LINGO2: variants seen among roughly 807,000 people sequenced by gnomAD.
LINGO2 encodes the protein leucine-rich repeat and immunoglobulin-like domain-containing nogo receptor-interacting protein 2.
Under a neutral mutation model 30.6 loss-of-function variants are expected in LINGO2, and 14 were observed. The ratio of observed to expected loss-of-function variants is 0.46; its 90% confidence interval spans 0.30 to 0.72. The LOEUF is 0.72. Among genes scored for constraint, LINGO2 ranks in the 30% least tolerant of loss-of-function variants. The pLI, the probability that LINGO2 is intolerant of heterozygous loss-of-function variation, is 0.07. For synonymous variants in LINGO2, 317 were observed against 288.5 expected, an observed-to-expected ratio of 1.10 and a Z score of -1.00; for missense variants, 729 against 751.7, an observed-to-expected ratio of 0.97 and a Z score of 0.35.
At chr9:28,714,458 G>A in the LINGO2 span, among the ~76,000 whole-genome samples, 8 of 151,892 alleles carry the variant, frequency 5.3e-5, no homozygotes, top group Admixed American at 3.9e-4. Context: ...ACAGTGTCTC[G>A]TAGATAGCCT....
At chr9:27,993,893 A>G (rs974686178) in intron 5 of LINGO2, among the ~76,000 whole-genome samples, 1 of 152,060 alleles carries the variant, frequency 6.6e-6, no homozygotes, top group African/African-American at 2.4e-5. Flanking sequence ...AATATAGACC[A>G]TATGTTAGGC....
intron 1 of LINGO2, among the ~76,000 whole-genome samples, chr9:28,517,279 AT>A (rs1820658457): frequency 6.6e-6 from 1 of 152,212 alleles, no homozygotes; most frequent in Non-Finnish European, 1.5e-5. Flanking sequence ...CAGATCTTTA[AT>A]ATCACACTAA....
At chr9:29,015,501 T>C in the LINGO2 span, among the ~76,000 whole-genome samples, 14 of 152,196 alleles carry the variant, frequency 9.2e-5, no homozygotes, top group African/African-American at 3.1e-4. Flanking sequence ...AAAGCAACTA[T>C]AGACAATATA....
intron 2 of LINGO2, among the ~76,000 whole-genome samples, chr9:28,403,617 T>C (rs1256805918): frequency 1.3e-5 from 2 of 151,128 alleles, no homozygotes; most frequent in Non-Finnish European, 2.9e-5. Flanking sequence ...ACTAAAATGC[T>C]ATTGTTTTAA....
At chr9:28,238,676 T>C (rs926124954) in intron 4 of LINGO2, among the ~76,000 whole-genome samples, 2 of 151,970 alleles carry the variant, frequency 1.3e-5, no homozygotes, top group African/African-American at 4.8e-5. Context: ...TAGCTATAAA[T>C]GCCTACATAA....
At chr9:28,540,783 G>C (rs1017344844) in intron 1 of LINGO2, among the ~76,000 whole-genome samples, 1 of 152,180 alleles carries the variant, frequency 6.6e-6, no homozygotes, top group African/African-American at 2.4e-5. Flanking sequence ...AAGATTAGAT[G>C]TGTGTTGCCA....
intron 5 of LINGO2, among the ~76,000 whole-genome samples, chr9:27,990,767 G>A (rs1373959747): frequency 6.6e-6 from 1 of 152,042 alleles, no homozygotes; most frequent in African/African-American, 2.4e-5. Context: ...TAACCACTCT[G>A]ATATACTACA....
At chr9:28,637,459 A>G (rs532823615) in intron 1 of LINGO2, among the ~76,000 whole-genome samples, 3 of 152,256 alleles carry the variant, frequency 2.0e-5, no homozygotes, top group East Asian at 3.9e-4. Context: ...ATGAGCATGG[A>G]ATGTTCTTCC....
chr9:28,750,327 G>A, the LINGO2 span, among the ~76,000 whole-genome samples: 24 of 152,130 alleles, frequency 1.6e-4, no homozygotes, highest in East Asian at 3.9e-4. Flanking sequence ...ATCATGTGGC[G>A]TAAGCCAAGA....
At chr9:29,152,348 G>C in the LINGO2 span, among the ~76,000 whole-genome samples, 1 of 152,188 alleles carries the variant, frequency 6.6e-6, no homozygotes, top group African/African-American at 2.4e-5. Flanking sequence ...CTGCAAAAAA[G>C]ACACATGCAT....
chr9:29,093,006 CAT>C, the LINGO2 span, among the ~76,000 whole-genome samples: 1 of 108,542 alleles, frequency 9.2e-6, no homozygotes, highest in Non-Finnish European at 1.8e-5. Flanking sequence ...GAATGATTAA[CAT>C]ATATATATGA....
chr9:28,582,893 T>C (rs1371733152), intron 1 of LINGO2, among the ~76,000 whole-genome samples: 4 of 152,080 alleles, frequency 2.6e-5, no homozygotes, highest in Non-Finnish European at 4.4e-5. Context: ...ATGCTTTGAC[T>C]TGAGATTATC....
chr9:29,188,049 T>G, the LINGO2 span, among the ~76,000 whole-genome samples: 1 of 144,546 alleles, frequency 6.9e-6, no homozygotes, highest in Non-Finnish European at 1.5e-5. Flanking sequence ...TTGATCATTC[T>G]TGGGTGTTTC....
At chr9:28,748,993 T>C in the LINGO2 span, among the ~76,000 whole-genome samples, 1 of 152,128 alleles carries the variant, frequency 6.6e-6, no homozygotes, top group Admixed American at 6.5e-5. Context: ...AAATGCAGCC[T>C]CCTTTTGCCT....
the LINGO2 span, among the ~76,000 whole-genome samples, chr9:28,854,435 C>T: frequency 2.0e-5 from 3 of 151,892 alleles, no homozygotes; most frequent in Non-Finnish European, 4.4e-5. Flanking sequence ...AAAAATTGTG[C>T]TTGTGCTTTA....
the LINGO2 span, among the ~76,000 whole-genome samples, chr9:29,132,660 C>T: frequency 1.3e-5 from 2 of 152,134 alleles, no homozygotes; most frequent in Non-Finnish European, 2.9e-5. Context: ...TTCCTTGCTT[C>T]ATTCTTTCGT....
At chr9:28,555,374 T>A (rs1029911998) in intron 1 of LINGO2, among the ~76,000 whole-genome samples, 4 of 149,540 alleles carry the variant, frequency 2.7e-5, no homozygotes, top group Non-Finnish European at 4.4e-5. Context: ...AACACCTCTA[T>A]GCAAATAAAC....
the LINGO2 span, among the ~76,000 whole-genome samples, chr9:28,894,116 G>A: frequency 6.6e-6 from 1 of 152,126 alleles, no homozygotes; most frequent in East Asian, 1.9e-4. Context: ...ATTCCATGGT[G>A]TATATGTGCC....
intron 1 of LINGO2, among the ~76,000 whole-genome samples, chr9:28,655,355 G>C (rs1828290939): frequency 6.6e-6 from 1 of 152,002 alleles, no homozygotes; most frequent in South Asian, 2.1e-4. Flanking sequence ...TTGTATCTAG[G>C]AAGTAACTAA....
Sources: gnomAD v4.1 joint callset for allele counts (sites outside exome capture counted in the v4.1 genomes callset) on GRCh38, gnomAD v4.1.1 for gene constraint, MANE v1.5 for transcripts, NCBI Gene and HGNC (gene_info 2026-07-23, HGNC 2026-07-21) for gene names.